ANKFN1: variants seen among roughly 807,000 people sequenced by gnomAD.
ANKFN1 encodes the protein ankyrin repeat and fibronectin type-III domain-containing protein 1.
In ANKFN1, 74 loss-of-function variants were observed where a neutral mutation model predicts 108.7. The ratio of observed to expected loss-of-function variants is 0.68; its 90% CI spans 0.56 to 0.83. The LOEUF (loss-of-function observed/expected upper bound fraction) is 0.83, where lower values mean the gene tolerates loss of function less well. ANKFN1 is among the 40% of genes least tolerant of loss of function. The pLI is 0.00. For missense variants in ANKFN1, 1,505 were observed against 1,382.3 expected, an observed-to-expected ratio of 1.09 and a Z score of -1.41; for synonymous variants, 547 against 516.2, an observed-to-expected ratio of 1.06 and a Z score of -0.81.
rs1397570332 is a variant in ANKFN1 at position 56,193,083 on chromosome 17, T to C, written c.-70-19515T>C. Among the ~76,000 whole-genome samples the C allele has an allele frequency of 3.0e-4, 27 of 89,290 alleles. No individual in the cohort carries two copies. The East Asian group carries it at 0.011, about 38-fold the overall frequency. 58.6% of individuals were successfully genotyped at this position (89,290 alleles called of 152,430 possible). A position where few individuals can be genotyped will look rare whatever the true frequency, so the allele number is the denominator to read the frequency against. ...AATGCTATGCAGCCATAAAAAATGA[T>C]GAGTTCATGTCCTTTGTAGGGACAT... On this transcript the variant is annotated intron_variant, in intron 1 of 20. Transcript: ENST00000682825.
At chr17:56,201,913 GA>G (rs1914097636) in intron 1 of ANKFN1, among the ~76,000 whole-genome samples, 1 of 152,172 alleles carries the variant, frequency 6.6e-6, no homozygotes, top group South Asian at 2.1e-4. Context: ...ACTGGAAGAA[GA>G]AATAAACTAG....
At chr17:56,145,960 A>C (rs1908233237) in intron 4 of ANKFN1, among the ~76,000 whole-genome samples, 1 of 152,228 alleles carries the variant, frequency 6.6e-6, no homozygotes, top group African/African-American at 2.4e-5. Context: ...TCCACCTATG[A>C]GCCTGTAAAA....
chr17:56,384,452 A>G (rs2047201056), intron 8 of ANKFN1, among the ~76,000 whole-genome samples: 1 of 152,232 alleles, frequency 6.6e-6, no homozygotes, highest in Non-Finnish European at 1.5e-5. Flanking sequence ...CTCCTATTCA[A>G]CATAGTGTTG....
Position 56,088,897 on chromosome 17 carries a change from A to G in ANKFN1, c.288+42572A>G, listed in dbSNP as rs192872474. Among the ~76,000 whole-genome samples the G allele has an allele frequency of 2.6e-5, 4 of 151,564 alleles. No individual in the cohort carries two copies. In the East Asian group the frequency reaches 5.8e-4, roughly 22 times the overall value. On this transcript the variant is annotated intron_variant, in intron 4 of 12. Coordinates refer to the ANKFN1 transcript ENST00000635860. ...ATTGGCCCAGAGGGAAAAAGGAGGC[A>G]CATGTATAATGGTAGTAGAATCAAT...
At chr17:56,468,445 G>C (rs1818664799) in intron 15 of ANKFN1, among the ~76,000 whole-genome samples, 1 of 151,428 alleles carries the variant, frequency 6.6e-6, no homozygotes. Context: ...TTAATCCAGT[G>C]ATAGGGATGA....
At chr17:56,092,866 A>G (rs1250165267) in intron 4 of ANKFN1, among the ~76,000 whole-genome samples, 1 of 150,482 alleles carries the variant, frequency 6.6e-6, no homozygotes, top group Non-Finnish European at 1.5e-5. Flanking sequence ...TCTCTTAGAG[A>G]CCACTCTCCC....
At chr17:56,440,519 C>T in intron 9 of ANKFN1, 95 bp downstream of exon 9, 1 of 947,378 alleles carries the variant, frequency 1.1e-6, no homozygotes, top group South Asian at 1.5e-5. Flanking sequence ...ACAGCCAACG[C>T]CCAGTCCTCT....
chr17:56,188,052 C>T (rs1469430839), intron 1 of ANKFN1, among the ~76,000 whole-genome samples: 1 of 151,888 alleles, frequency 6.6e-6, no homozygotes, highest in African/African-American at 2.4e-5. Context: ...GCACGTTGTG[C>T]ACATGTACCC....
At chr17:56,070,761 G>A (rs1017250628) in intron 4 of ANKFN1, among the ~76,000 whole-genome samples, 8 of 146,658 alleles carry the variant, frequency 5.5e-5, no homozygotes, top group African/African-American at 1.8e-4. Context: ...TTTTTGAGAC[G>A]TACTCTCACT....
At chr17:56,086,940 G>A (rs1346829096) in intron 4 of ANKFN1, among the ~76,000 whole-genome samples, 1 of 151,300 alleles carries the variant, frequency 6.6e-6, no homozygotes, top group Non-Finnish European at 1.5e-5. Flanking sequence ...CTGCCAGGGG[G>A]ATAGTATCAT....
chr17:56,456,132 G>A (rs1314044904), intron 11 of ANKFN1, among the ~76,000 whole-genome samples: 2 of 152,102 alleles, frequency 1.3e-5, no homozygotes. Context: ...AACACAATAC[G>A]TAGACTTACA....
At chr17:56,490,687 C>T (rs1221423038) in intron 18 of ANKFN1, among the ~76,000 whole-genome samples, 1 of 152,062 alleles carries the variant, frequency 6.6e-6, no homozygotes, top group Admixed American at 6.6e-5. Context: ...CATATGAAAT[C>T]AGTTCTCTGT....
At chr17:56,400,512 AT>A (rs1345142628) in intron 8 of ANKFN1, among the ~76,000 whole-genome samples, 1 of 151,696 alleles carries the variant, frequency 6.6e-6, no homozygotes, top group African/African-American at 2.4e-5. Context: ...GATTGTGAAG[AT>A]TTTCTCTCAC....
At chr17:56,483,035 A>G (rs576049280) in intron 18 of ANKFN1, among the ~76,000 whole-genome samples, 1 of 152,332 alleles carries the variant, frequency 6.6e-6, no homozygotes, top group South Asian at 2.1e-4. Flanking sequence ...TACAATTTTA[A>G]GTAGCACTGA....
At chr17:56,281,451 A>T (rs1002207850) in intron 3 of ANKFN1, among the ~76,000 whole-genome samples, 8 of 152,220 alleles carry the variant, frequency 5.3e-5, no homozygotes, top group Admixed American at 3.9e-4. Context: ...TATAAAGAAG[A>T]AAATATAAGA....
At chr17:56,196,388 T>C (rs761449285) in intron 1 of ANKFN1, among the ~76,000 whole-genome samples, 2 of 152,106 alleles carry the variant, frequency 1.3e-5, no homozygotes, top group Non-Finnish European at 2.9e-5. Context: ...AGTATGAGAA[T>C]TGAAGGTTTA....
chr17:56,152,260 A>ATGTGTGTG (rs747513318), upstream of ANKFN1, among the ~76,000 whole-genome samples: 3,732 of 128,364 alleles, frequency 0.029, 60 homozygotes, highest in East Asian at 0.068. Flanking sequence ...ATATATATAT[A>ATGTGTGTG]TATGTGTGTG....
In ANKFN1 at chr17:56,239,021, G is replaced by T. The variant is rs530310162; in HGVS notation, c.53+11064G>T. On this transcript the variant is annotated intron_variant, in intron 3 of 20. Coordinates refer to ENST00000682825, the MANE Select transcript of ANKFN1 (RefSeq NM_001370326.1). ...GAGACAATCTCCTAAGTCTTCAGCAGGCAGTTTCTACCATCCTTGCCATGA... is the reference window on the plus strand; with the variant it reads ...GAGACAATCTCCTAAGTCTTCAGCATGCAGTTTCTACCATCCTTGCCATGA... Among the ~76,000 whole-genome samples the T allele has an allele frequency of 2.0e-5, 3 of 152,206 alleles. No homozygotes were observed. The South Asian group carries it at 6.2e-4, about 32-fold the overall frequency.
rs116365445 is a variant in ANKFN1, at chr17:56,328,930, C to G, written c.188+2575C>G. Among the ~76,000 whole-genome samples, 1,508 of 152,094 alleles carry G rather than the reference C, an allele frequency of 9.9e-3. 21 individuals carry two copies. Among genetic ancestry groups the G allele is most frequent in the African/African-American group, 0.034 (1,397 of 41,478 alleles). ...ATTTCCTTCATCTTTTGAATCTGTCCAGCCCACCCCATCCCCATTGCCACA... is the reference window on the plus strand; with the variant it reads ...ATTTCCTTCATCTTTTGAATCTGTCGAGCCCACCCCATCCCCATTGCCACA... On this transcript the variant is annotated intron_variant, in intron 4 of 20. Coordinates refer to ENST00000682825, the MANE Select transcript of ANKFN1 (RefSeq NM_001370326.1).
Sources: allele counts gnomAD v4.1 joint callset (sites outside exome capture counted in the v4.1 genomes callset), GRCh38; gene constraint gnomAD v4.1.1; transcripts MANE v1.5; gene names NCBI Gene and HGNC (gene_info 2026-07-23, HGNC 2026-07-21).